The following CATSPERE variants were observed in gnomAD, a reference collection of about 807,000 sequenced individuals.
CATSPERE encodes cation channel sperm-associated auxiliary subunit epsilon.
Under a neutral mutation model 114.1 loss-of-function variants are expected in CATSPERE, and 93 were observed. The observed-to-expected ratio is 0.81, with a 90% CI of 0.69 to 0.97. CATSPERE has a LOEUF of 0.97. Ranked by LOEUF, CATSPERE falls within the 50% of genes least tolerant of loss-of-function variation. The pLI is 0.00. For missense variants in CATSPERE, 1,058 were observed against 1,131.6 expected (o/e 0.93, Z 0.93); for synonymous variants, 341 against 384.1 (o/e 0.89, Z 1.31).
At chr1:244,461,760 C>G (rs1447839382) in intron 1 of CATSPERE, among the ~76,000 whole-genome samples, 2 of 152,184 alleles carry the variant, frequency 1.3e-5, no homozygotes, top group African/African-American at 4.8e-5. Context: ...TGCTGCTGTC[C>G]TCAGAACATC....
chr1:244,586,674 C>T (rs1369217888), intron 13 of CATSPERE, among the ~76,000 whole-genome samples: 1 of 152,208 alleles, frequency 6.6e-6, no homozygotes, highest in Non-Finnish European at 1.5e-5. Flanking sequence ...TCCCCACCCT[C>T]CTGACCCCTA....
intron 5 of CATSPERE, among the ~76,000 whole-genome samples, chr1:244,481,427 G>T (rs1670246115): frequency 6.6e-6 from 1 of 152,044 alleles, no homozygotes; most frequent in African/African-American, 2.4e-5. Flanking sequence ...TTTCAGCCTT[G>T]GCAGCAAGAG....
At chr1:244,567,254 C>G (rs1663724064) in intron 10 of CATSPERE, among the ~76,000 whole-genome samples, 1 of 152,198 alleles carries the variant, frequency 6.6e-6, no homozygotes, top group Admixed American at 6.5e-5. Context: ...GGTAACCCAA[C>G]CTTTCTCTCT....
intron 9 of CATSPERE, among the ~76,000 whole-genome samples, chr1:244,559,541 C>T (rs925685370): frequency 6.6e-6 from 1 of 152,126 alleles, no homozygotes; most frequent in African/African-American, 2.4e-5. Flanking sequence ...AGGCCTTGGA[C>T]TCCTTGATGA....
At position 244,560,948 on chromosome 1, in the gene CATSPERE, C is replaced by T; in HGVS notation, c.1310C>T (p.Thr437Ile). The T allele has an allele frequency of 1.9e-6, 3 of 1,614,128 alleles. No homozygotes were observed. Among genetic ancestry groups the T allele is most frequent in the Middle Eastern group, 1.6e-4 (1 of 6,062 alleles). The change falls in exon 10 of 22, where the codon ACA becomes ATA. Residue 437 changes from threonine to isoleucine, a missense_variant. Thr to Ile is a moderately conservative substitution (Grantham distance 89). This residue lies in a region of CATSPERE where 787 missense variants were observed against 905.6 expected (regional missense o/e 0.87). Coordinates refer to ENST00000366534, the MANE Select transcript of CATSPERE (RefSeq NM_001130957.2). ...AAACAGTGGGTTTCCCAAGACTTTA[C>T]ATTAGATGCCCCTATTGACAGTGTT... is the stretch of plus-strand genomic sequence containing the variant. Reference protein sequence around the residue: ...DTKQWVSQDFTLDAPIDSVTM... With the variant: ...DTKQWVSQDFILDAPIDSVTM...
chr1:244,575,730 G>A lies in CATSPERE; in HGVS notation c.1950+2958G>A, dbSNP rs904502124. Among the ~76,000 whole-genome samples the A allele has an allele frequency of 3.3e-5, 5 of 151,912 alleles. No individual in the cohort carries two copies. Among genetic ancestry groups the A allele is most frequent in the African/African-American group, 9.7e-5 (4 of 41,370 alleles). ...CTTGCCTCTGCCAGCCGCCTACGCTGCTGTTCTCCCCTCTCCTTCCCTTTC... is the reference window on the plus strand; with the variant it reads ...CTTGCCTCTGCCAGCCGCCTACGCTACTGTTCTCCCCTCTCCTTCCCTTTC... On this transcript the variant is annotated intron_variant, in intron 11 of 21. Coordinates refer to ENST00000366534, the MANE Select transcript of CATSPERE (RefSeq NM_001130957.2). The surrounding 1 kb of genome is among the most constrained non-coding windows in gnomAD (Gnocchi z 4.5).
Position 244,461,376 on chromosome 1 carries a change from G to C in CATSPERE, c.-54G>C, listed in dbSNP as rs1056820653. On this transcript the variant is annotated 5_prime_UTR_variant, in exon 1 of 22. Transcript: ENST00000366534. ...CCGGGCCGACGTCCCACGGGAATGC[G>C]CGAGGCCTGGACGGGAGTGGCCGAG... 2 of 1,298,198 alleles carry C rather than the reference G, an allele frequency of 1.5e-6. No homozygotes were observed. Among genetic ancestry groups the C allele is most frequent in the African/African-American group, 3.1e-5 (2 of 64,792 alleles). The allele number at this position is 1,298,198 out of a possible 1,614,324, so 80.4% of individuals were successfully genotyped here.
At chr1:244,523,526 A>G (rs535019731) in intron 8 of CATSPERE, among the ~76,000 whole-genome samples, 4,355 of 140,022 alleles carry the variant, frequency 0.031, 107 homozygotes, top group Non-Finnish European at 0.039. Flanking sequence ...GTATTCAATT[A>G]GGAAAAGAGG....
upstream of CATSPERE, among the ~76,000 whole-genome samples, chr1:244,453,521 C>T (rs7518149): frequency 1.3e-5 from 2 of 152,198 alleles, no homozygotes; most frequent in African/African-American, 2.4e-5. Flanking sequence ...GCTTGTCTGG[C>T]ATTGCCTTTG....
intron 5 of CATSPERE, among the ~76,000 whole-genome samples, chr1:244,489,363 T>A (rs923918746): frequency 3.7e-4 from 56 of 151,968 alleles, no homozygotes; most frequent in African/African-American, 1.3e-3. Context: ...TAGGGTTTTT[T>A]ATGCAGAATG....
rs909824106 is a variant in CATSPERE, at chr1:244,525,052, C to T, written c.536+6354C>T. Among the ~76,000 whole-genome samples, 799 of 145,694 alleles carry T rather than the reference C, an allele frequency of 5.5e-3. 8 individuals carry two copies. Among genetic ancestry groups the T allele is most frequent in the African/African-American group, 0.02 (737 of 37,134 alleles). The stretch of plus-strand genomic sequence containing the variant: ...GACACATGCACACGTATGTTTATTG[C>T]GGCATTATTCACAATAGCAAAGACT... On this transcript the variant is annotated intron_variant, in intron 8 of 21. Coordinates refer to ENST00000366534, the MANE Select transcript of CATSPERE (RefSeq NM_001130957.2).
At chr1:244,590,671 T>C (rs551571982) in intron 14 of CATSPERE, among the ~76,000 whole-genome samples, 7 of 152,236 alleles carry the variant, frequency 4.6e-5, no homozygotes, top group Non-Finnish European at 8.8e-5. Context: ...CTGCTCTGAA[T>C]ATTTCACATA....
chr1:244,492,217 C>G (rs1268146899), intron 6 of CATSPERE, among the ~76,000 whole-genome samples: 182 of 131,936 alleles, frequency 1.4e-3, no homozygotes, highest in African/African-American at 3.2e-3. Flanking sequence ...CAAACTGAAT[C>G]CAGCAGCACA....
chr1:244,635,785 A>G (rs1252006327), intron 21 of CATSPERE, among the ~76,000 whole-genome samples: 2 of 152,210 alleles, frequency 1.3e-5, no homozygotes, highest in Non-Finnish European at 1.5e-5. Flanking sequence ...GGTTTTAATA[A>G]GTCTATATTT....
chr1:244,624,585 G>T (rs375578214), intron 20 of CATSPERE, among the ~76,000 whole-genome samples: 11 of 152,116 alleles, frequency 7.2e-5, no homozygotes, highest in East Asian at 1.9e-4. Flanking sequence ...TGGATCACTT[G>T]CGGTCAGGAG....
chr1:244,585,207 C>G (rs1240568417), intron 13 of CATSPERE, among the ~76,000 whole-genome samples: 1 of 152,182 alleles, frequency 6.6e-6, no homozygotes, highest in African/African-American at 2.4e-5. Context: ...TCAGCTGCCT[C>G]ATTTGTAAAA....
At chr1:244,479,509 T>C (rs1013728333) in intron 4 of CATSPERE, among the ~76,000 whole-genome samples, 2 of 152,158 alleles carry the variant, frequency 1.3e-5, no homozygotes, top group East Asian at 1.9e-4. Context: ...TGAATTGTAT[T>C]TCAGTGAGGA....
intron 5 of CATSPERE, among the ~76,000 whole-genome samples, chr1:244,487,269 C>A (rs1671243459): frequency 6.6e-6 from 1 of 152,056 alleles, no homozygotes. Flanking sequence ...TACTTATGGG[C>A]CAGGTACAGA....
At chr1:244,606,758 C>T (rs1239574549) in intron 18 of CATSPERE, among the ~76,000 whole-genome samples, 10 of 152,042 alleles carry the variant, frequency 6.6e-5, no homozygotes, top group African/African-American at 2.4e-4. Context: ...CATGCCACTA[C>T]ACCTGGCTAA....
Sources: allele counts gnomAD v4.1 joint callset (sites outside exome capture counted in the v4.1 genomes callset), GRCh38; gene constraint gnomAD v4.1.1; regional missense constraint gnomAD v4.1.1; non-coding constraint Gnocchi (gnomAD v3.1); transcripts MANE v1.5; gene names NCBI Gene and HGNC (gene_info 2026-07-23, HGNC 2026-07-21).